SLC25A48: variants seen among roughly 807,000 people sequenced by gnomAD.
The protein encoded by SLC25A48 is CTC-321K16.1.
A neutral mutation model predicts 32.2 loss-of-function variants in SLC25A48; 29 were observed. That is an observed-to-expected ratio of 0.90 (90% CI 0.67 to 1.23). SLC25A48 has a LOEUF of 1.23. Ranked by LOEUF, SLC25A48 falls within the 50% of genes most tolerant of loss-of-function variation. The pLI is 0.00. For missense variants in SLC25A48, 399 were observed against 422.7 expected (o/e 0.94, Z 0.49); for synonymous variants, 164 against 172.3 (o/e 0.95, Z 0.38).
intron 1 of SLC25A48, among the ~76,000 whole-genome samples, chr5:135,605,383 G>A (rs1751911717): frequency 6.6e-6 from 1 of 152,216 alleles, no homozygotes; most frequent in Admixed American, 6.5e-5. Context: ...CTGAGTGTGA[G>A]GATGTGGCCA....
At chr5:135,674,911 GTT>G (rs35040543) in intron 3 of SLC25A48, among the ~76,000 whole-genome samples, 24 of 148,546 alleles carry the variant, frequency 1.6e-4, no homozygotes, top group South Asian at 6.4e-4. Flanking sequence ...TTTTAGTGGG[GTT>G]TTTTTTTTTG....
intron 1 of SLC25A48, among the ~76,000 whole-genome samples, chr5:135,590,477 C>G (rs1751494532): frequency 6.6e-6 from 1 of 152,168 alleles, no homozygotes; most frequent in Admixed American, 6.5e-5. Flanking sequence ...CTGCTTGGAG[C>G]CCCCAAGAAT....
At chr5:135,766,171 C>G (rs189359413) in intron 3 of SLC25A48, among the ~76,000 whole-genome samples, 2 of 150,580 alleles carry the variant, frequency 1.3e-5, no homozygotes, top group South Asian at 4.2e-4. Context: ...CTCCCAATAA[C>G]GCGGTTGGTG....
chr5:135,591,233 G>A (rs1206963877), intron 1 of SLC25A48, among the ~76,000 whole-genome samples: 1 of 152,256 alleles, frequency 6.6e-6, no homozygotes, highest in African/African-American at 2.4e-5. Flanking sequence ...GCCACTCTGG[G>A]AGGCAGGCAT....
intron 3 of SLC25A48, among the ~76,000 whole-genome samples, chr5:135,812,085 A>AT (rs1171110824): frequency 4.3e-4 from 65 of 150,410 alleles, no homozygotes; most frequent in East Asian, 1.2e-3. Flanking sequence ...CTGTCTCAAA[A>AT]AAAATAAATA....
At chr5:135,701,259 C>T (rs1754390240) in intron 3 of SLC25A48, among the ~76,000 whole-genome samples, 1 of 152,170 alleles carries the variant, frequency 6.6e-6, no homozygotes, top group Non-Finnish European at 1.5e-5. Flanking sequence ...TCTCTGATTA[C>T]TGGGAACCAA....
intron 3 of SLC25A48, among the ~76,000 whole-genome samples, chr5:135,752,067 A>G (rs898118717): frequency 6.6e-6 from 1 of 152,214 alleles, no homozygotes; most frequent in Non-Finnish European, 1.5e-5. Context: ...GTCTAAAACT[A>G]TAACATGTCC....
chr5:135,611,496 CAAAAAA>C (rs57138043), intron 1 of SLC25A48, among the ~76,000 whole-genome samples: 2,316 of 20,756 alleles, frequency 0.11, 3 homozygotes, highest in African/African-American at 0.17. Context: ...GACTCCATCT[CAAAAAA>C]AAAAAAAAAA....
intron 3 of SLC25A48, among the ~76,000 whole-genome samples, chr5:135,738,168 A>G (rs374900613): frequency 3.9e-5 from 6 of 152,110 alleles, no homozygotes; most frequent in African/African-American, 1.4e-4. Context: ...TCCCTTGGGG[A>G]GTGAATCTTG....
chr5:135,852,877 T>C lies in SLC25A48; in HGVS notation c.421+56T>C. On this transcript the variant is annotated intron_variant, in intron 4 of 7. Transcript: ENST00000681962. ...CTGGGACTTGTGGCCCTTTCCTGGT[T>C]TGTGGGATCTGGGACATGGTTGTTA... 3 of 1,557,168 alleles carry C rather than the reference T, an allele frequency of 1.9e-6. No individual in the cohort carries two copies. In the South Asian group the frequency reaches 3.6e-5, roughly 19 times the overall value.
chr5:135,652,509 A>G (rs1376015874), intron 3 of SLC25A48: 1 of 453,310 alleles, frequency 2.2e-6, no homozygotes, highest in Non-Finnish European at 4.4e-6. Context: ...CATGGAATTA[A>G]CAGGTCTCAC....
At chr5:135,601,751 C>T (rs541420402) in intron 1 of SLC25A48, among the ~76,000 whole-genome samples, 40 of 152,310 alleles carry the variant, frequency 2.6e-4, no homozygotes, top group East Asian at 9.6e-4. Flanking sequence ...GCTGCCAAAG[C>T]GAAGGCCTGG....
At chr5:135,782,859 A>T (rs1756747576) in intron 3 of SLC25A48, among the ~76,000 whole-genome samples, 1 of 118,360 alleles carries the variant, frequency 8.4e-6, no homozygotes, top group South Asian at 2.9e-4. Context: ...TATTCCCAAT[A>T]TCATACCAGC....
At chr5:135,713,009 G>T (rs1458976989) in intron 3 of SLC25A48, among the ~76,000 whole-genome samples, 1 of 152,148 alleles carries the variant, frequency 6.6e-6, no homozygotes, top group African/African-American at 2.4e-5. Context: ...GCCAAATTCT[G>T]CAATCAGCTG....
chr5:135,717,575 G>A (rs1561461549), intron 3 of SLC25A48, among the ~76,000 whole-genome samples: 1 of 152,224 alleles, frequency 6.6e-6, no homozygotes, highest in Non-Finnish European at 1.5e-5. Context: ...AATAACTGGT[G>A]TCCTTTTATT....
At chr5:135,642,723 G>A (rs1030532313) in intron 3 of SLC25A48, among the ~76,000 whole-genome samples, 1 of 152,216 alleles carries the variant, frequency 6.6e-6, no homozygotes, top group East Asian at 1.9e-4. Flanking sequence ...CATGTGTGCA[G>A]GAGTGGTTTG....
At position 135,748,359 on chromosome 5, in the gene SLC25A48, C is replaced by T. The variant is rs1440396174; in HGVS notation, c.-520-64164C>T. Reference sequence around the variant, plus strand: ...TGTCACAGTTGCTCACTGCAACCTCCGCCTCCTGGGTGCAAGCGATTCTCC... The same window carrying T: ...TGTCACAGTTGCTCACTGCAACCTCTGCCTCCTGGGTGCAAGCGATTCTCC... On this transcript the variant is annotated intron_variant, in intron 3 of 10. Transcript: ENST00000646290. Among the ~76,000 whole-genome samples, 5 of 152,148 alleles carry T rather than the reference C, an allele frequency of 3.3e-5. No individual in the cohort carries two copies. The South Asian group carries it at 6.2e-4, about 19-fold the overall frequency.
intron 1 of SLC25A48, among the ~76,000 whole-genome samples, chr5:135,616,027 T>A (rs1048599812): frequency 3.3e-5 from 5 of 152,234 alleles, no homozygotes; most frequent in Non-Finnish European, 5.9e-5. Context: ...GTTAAGCCTG[T>A]GGGTGCACAG....
At chr5:135,661,803 A>C (rs1432136698) in intron 3 of SLC25A48, among the ~76,000 whole-genome samples, 2 of 152,142 alleles carry the variant, frequency 1.3e-5, no homozygotes, top group African/African-American at 4.8e-5. Context: ...TTTTGACCGT[A>C]TTAACCTGGG....
Sources: allele counts gnomAD v4.1 joint callset (sites outside exome capture counted in the v4.1 genomes callset), GRCh38; gene constraint gnomAD v4.1.1; transcripts MANE v1.5; gene names NCBI Gene and HGNC (gene_info 2026-07-23, HGNC 2026-07-21).